Variants in RGL3 observed in about 807,000 individuals in gnomAD.
The protein encoded by RGL3 is ral guanine nucleotide dissociation stimulator like 3.
RGL3 carries 85 observed loss-of-function variants against 90.6 expected under a neutral mutation model. That is an observed-to-expected ratio of 0.94 (90% CI 0.79 to 1.12). RGL3 has a LOEUF of 1.12. Among genes scored for constraint, RGL3 ranks in the 50% most tolerant of loss-of-function variants. The pLI, the probability that RGL3 is intolerant of heterozygous loss-of-function variation, is 0.00. For missense variants in RGL3, 1,034 were observed against 939.2 expected (o/e 1.10, Z -1.32); for synonymous variants, 408 against 385.5 (o/e 1.06, Z -0.68).
rs1969012636 is a variant in RGL3, at chr19:11,416,969, C to A, written c.238G>T (p.Glu80Ter). Residue 80 changes from glutamate (E) to a stop codon, truncating the protein, a stop_gained, in exon 3 of 19, where the codon GAG (glutamate) becomes TAG (stop). Coordinates refer to ENST00000380456, the MANE Select transcript of RGL3 (RefSeq NM_001035223.4). LOFTEE classifies it high-confidence loss of function. ...TGCTCACGGTCTCCAAACACCAACT[C>A]TCCCACCAGCCGCTCCAGGCGCGCT... ...RAARLERLVG[E>*]LVFGDREQDP... The A allele has an allele frequency of 1.2e-6, 2 of 1,614,056 alleles. No homozygotes were observed. Among genetic ancestry groups the A allele is most frequent in the African/African-American group, 2.7e-5 (2 of 75,008 alleles).
rs375129863 is a variant in RGL3 at position 11,400,225 on chromosome 19, G to A, written c.1557C>T (p.Ile519=). ...CPSSPRIRRR[I]SLTKRLSAKL... is the part of the protein sequence containing the mutation. ...ACGCACTGAGACGCTTGGTGAGGCT[G>A]ATCCGCCGTCGGATGCGTGGGGAGC... Residue 519 remains isoleucine, a synonymous_variant, in exon 14 of 19, where the codon ATC becomes ATT. Transcript: ENST00000380456. The A allele has an allele frequency of 1.1e-5, 17 of 1,596,086 alleles. No homozygotes were observed. The Middle Eastern group carries it at 8.4e-4, about 78-fold the overall frequency.
At chr19:11,408,993 A>G (rs940061984) in intron 5 of RGL3, 5 of 151,998 alleles carry the variant, frequency 3.3e-5, no homozygotes, top group Admixed American at 2.0e-4. Context: ...TCGGGCCAAC[A>G]TGGCGAAACC....
chr19:11,418,078 G>C (rs1015400177), intron 2 of RGL3, among the ~76,000 whole-genome samples: 1 of 151,860 alleles, frequency 6.6e-6, no homozygotes. Context: ...TTGGTCTCTC[G>C]AAGCGCAGGG....
At chr19:11,414,464 C>CAT (rs1226288918) in intron 5 of RGL3, among the ~76,000 whole-genome samples, 5,346 of 43,238 alleles carry the variant, frequency 0.12, 452 homozygotes, top group East Asian at 0.43. Flanking sequence ...TATATACCTT[C>CAT]ATATATATAT....
In RGL3 at chr19:11,414,181, CTATATATATATACCTT is replaced by C. The variant is rs1568341557; in HGVS notation, c.637+1740_637+1755del. 5.0e-4 allele frequency among the ~76,000 whole-genome samples: 14 copies of C among 28,196 alleles called. 1 individual carries two copies. The highest frequency in any genetic ancestry group is 2.0e-3 in the African/African-American group (14 of 7,032). 18.5% of individuals were successfully genotyped at this position (28,196 alleles called of 152,430 possible). ...TATATATATATATATATATATACAC[CTATATATATATACCTT>C]TATATATATATATACCTTTATATAT... On this transcript the variant is annotated intron_variant, in intron 5 of 18. Transcript: ENST00000380456.
At chr19:11,398,538 G>C (rs929801046) in intron 16 of RGL3, among the ~76,000 whole-genome samples, 1 of 151,972 alleles carries the variant, frequency 6.6e-6, no homozygotes, top group South Asian at 2.1e-4. Context: ...TAGAGACGGG[G>C]TTTCACCATG....
Position 11,405,395 on chromosome 19 carries a change from A to G in RGL3, c.1028T>C (p.Leu343Ser). The G allele has an allele frequency of 2.5e-6, 4 of 1,594,722 alleles. No individual in the cohort carries two copies. The South Asian group carries it at 4.5e-5, about 18-fold the overall frequency. The change falls in exon 8 of 19, where the codon TTG becomes TCG. Residue 343 changes from leucine to serine, a missense_variant. Leu to Ser is a moderately radical substitution (Grantham distance 145, BLOSUM62 -2). Coordinates refer to ENST00000380456, the MANE Select transcript of RGL3 (RefSeq NM_001035223.4). ...TTGCAGGGCGGACAGGATGGCGCGC[A>G]AGGAGGAGAAGTTCCGCAGTTCTCG... is the stretch of plus-strand genomic sequence containing the variant. ...RCRELRNFSS[L>S]RAILSALQSN... is the part of the protein sequence containing the mutation.
At chr19:11,397,748 C>A in intron 16 of RGL3, 151 bp from the exon 17 acceptor site, 1 of 789,564 alleles carries the variant, frequency 1.3e-6, no homozygotes, top group Non-Finnish European at 1.8e-6. Flanking sequence ...GTGGCTCATG[C>A]CTGTAATCTC....
At chr19:11,408,277 T>C (rs1319559285) in intron 5 of RGL3, among the ~76,000 whole-genome samples, 1 of 152,210 alleles carries the variant, frequency 6.6e-6, no homozygotes, top group Non-Finnish European at 1.5e-5. Context: ...GGATTTCGTT[T>C]TTGTTTTCGT....
rs760859878 is a variant in RGL3 at position 11,402,047 on chromosome 19, G to A, written c.1448C>T (p.Ala483Val). 16 of 1,568,780 alleles carry A rather than the reference G, an allele frequency of 1.0e-5. No individual in the cohort carries two copies. Among genetic ancestry groups the A allele is most frequent in the Non-Finnish European group, 1.4e-5 (16 of 1,157,296 alleles). Residue 483 changes from alanine to valine, a missense_variant, in exon 13 of 19, where the codon GCC becomes GTC. Transcript: ENST00000380456. ...TLSPHPPILAALHAQNQLTEE... is the reference protein window; with the variant it reads ...TLSPHPPILAVLHAQNQLTEE... Reference sequence around the variant, plus strand: ...GGTGAGCTGGTTCTGGGCATGCAGGGCAGCCAGGATGGGCGGGTGGGGGCT... The same window carrying A: ...GGTGAGCTGGTTCTGGGCATGCAGGACAGCCAGGATGGGCGGGTGGGGGCT...
intron 13 of RGL3, 103 bp from the exon 14 acceptor site, chr19:11,400,400 G>A (rs1045134122): frequency 1.2e-5 from 11 of 944,198 alleles, no homozygotes; most frequent in Non-Finnish European, 1.6e-5. Flanking sequence ...GTGTAAGGGG[G>A]AGCAGCCAGA....
Position 11,399,671 on chromosome 19 carries a change from C to T in RGL3, c.1746+184G>A, listed in dbSNP as rs567384193. ...CACGAGTCGGATTTATGAGTGATCACCCAAACAGGGCCGTGCAGATGCATG... is the reference window on the plus strand; with the variant it reads ...CACGAGTCGGATTTATGAGTGATCATCCAAACAGGGCCGTGCAGATGCATG... On this transcript the variant is annotated intron_variant, in intron 16 of 18. Transcript: ENST00000380456. 3.3e-5 allele frequency among the ~76,000 whole-genome samples: 5 copies of T among 152,314 alleles called. No individual in the cohort carries two copies. In the South Asian group the frequency reaches 1.0e-3, roughly 32 times the overall value.
Position 11,406,845 on chromosome 19 carries a change from T to G in RGL3, c.657A>C (p.Gln219His), listed in dbSNP as rs369743821. Residue 219 changes from glutamine (Q) to histidine (H), a missense_variant, in exon 6 of 19, where the codon CAA (glutamine) becomes CAC (histidine). Physicochemically the swap from Gln to His is conservative, Grantham distance 24. Coordinates refer to ENST00000380456, the MANE Select transcript of RGL3 (RefSeq NM_001035223.4). ...CCTCTGAAGAGTCTGGGTCAGAAGT[T>G]TGGGCAACTCTGGGAGGTCCTGATC... ...QVWTGPPRVAQTSDPDSSEAC... is the reference protein window; with the variant it reads ...QVWTGPPRVAHTSDPDSSEAC... 1 of 1,613,422 alleles carries G rather than the reference T, an allele frequency of 6.2e-7. No individual in the cohort carries two copies. The highest frequency in any genetic ancestry group is 8.5e-7 in the Non-Finnish European group (1 of 1,179,816).
At position 11,397,286 on chromosome 19, in the gene RGL3, CCCAGG is replaced by C; in HGVS notation, c.1967_1971del (p.Pro656ArgfsTer3). On this transcript the variant is annotated frameshift_variant, in exon 18 of 19. Coordinates refer to ENST00000380456, the MANE Select transcript of RGL3 (RefSeq NM_001035223.4). LOFTEE classifies it low-confidence loss of function (END_TRUNC). ...ACTTGAAAGAGCTGATAGTCACAGGCCCAGGGCTGGGGCACATTGTGCTTCTGCAA... is the reference window on the plus strand; with the variant it reads ...ACTTGAAAGAGCTGATAGTCACAGGCGCTGGGGCACATTGTGCTTCTGCAA... The C allele has an allele frequency of 6.2e-7, 1 of 1,613,660 alleles. No individual in the cohort carries two copies. Among genetic ancestry groups the C allele is most frequent in the Non-Finnish European group, 8.5e-7 (1 of 1,179,826 alleles).
chr19:11,402,564 C>T lies in RGL3; in HGVS notation c.1243-23G>A, dbSNP rs758202110. The T allele has an allele frequency of 2.5e-6, 4 of 1,606,756 alleles. No individual in the cohort carries two copies. The South Asian group carries it at 3.3e-5, about 13-fold the overall frequency. ...TTTCTGCAGCCCCCAAAGCTCCAGT[C>T]ACTTGGGGCCATTACTGACCCCATC... On this transcript the variant is annotated intron_variant, in intron 10 of 18. Transcript: ENST00000380456.
rs757907167 is a variant in RGL3 at position 11,397,301 on chromosome 19, C to T, written c.1957G>A (p.Val653Met). The change falls in exon 18 of 19, where the codon GTG becomes ATG. Residue 653 changes from valine (V) to methionine (M), a missense_variant. Coordinates refer to ENST00000380456, the MANE Select transcript of RGL3 (RefSeq NM_001035223.4). ...TAGTCACAGGCCCAGGGCTGGGGCA[C>T]ATTGTGCTTCTGCAAGGCTCGCCGG... The part of the protein sequence containing the change: ...VVRRALQKHN[V>M]PQPWACDYQL... The T allele has an allele frequency of 5.6e-6, 9 of 1,612,780 alleles. No homozygotes were observed. Among genetic ancestry groups the T allele is most frequent in the Middle Eastern group, 3.3e-4 (2 of 6,052 alleles).
chr19:11,414,890 AT>A (rs1968966891), intron 5 of RGL3, among the ~76,000 whole-genome samples: 1 of 152,048 alleles, frequency 6.6e-6, no homozygotes, highest in South Asian at 2.1e-4. Context: ...TAATCCCAGC[AT>A]TTTGGGAGGC....
intron 5 of RGL3, chr19:11,411,578 G>C (rs920771150): frequency 1.3e-5 from 2 of 152,132 alleles, no homozygotes; most frequent in Non-Finnish European, 2.9e-5. Flanking sequence ...TCCAAAAAAA[G>C]GTTCAGGCAC....
rs575506333 is a variant in RGL3 at position 11,402,313 on chromosome 19, T to C, written c.1330-66A>G. ...AGGGTCAAGGGTCAAGGTCAGGGGC[T>C]GGGATGTCAGGAGCCCCACTGTAGT... On this transcript the variant is annotated intron_variant, in intron 11 of 18. Coordinates refer to ENST00000380456, the MANE Select transcript of RGL3 (RefSeq NM_001035223.4). 8 of 1,603,718 alleles carry C rather than the reference T, an allele frequency of 5.0e-6. No individual in the cohort carries two copies. The African/African-American group carries it at 1.1e-4, about 23-fold the overall frequency.
Sources: gnomAD v4.1 joint callset for allele counts (sites outside exome capture counted in the v4.1 genomes callset) on GRCh38, gnomAD v4.1.1 for gene constraint, MANE v1.5 for transcripts, NCBI Gene and HGNC (gene_info 2026-07-23, HGNC 2026-07-21) for gene names.